Variants in RRP15 observed in about 807,000 individuals in gnomAD.
RRP15 encodes the protein ribosomal RNA processing 15 homolog.
Under a neutral mutation model 27.1 loss-of-function variants are expected in RRP15, and 18 were observed. That is an observed-to-expected ratio of 0.66 (90% CI 0.46 to 0.98). The LOEUF (loss-of-function observed/expected upper bound fraction) is 0.98. RRP15 is among the 50% of genes least tolerant of loss of function. The pLI is 0.00. For synonymous variants in RRP15, 107 were observed against 109.4 expected, an observed-to-expected ratio of 0.98 and a Z score of 0.14; for missense variants, 359 against 337.8, an observed-to-expected ratio of 1.06 and a Z score of -0.49.
rs564645062 is a variant in RRP15, at chr1:218,331,376, A to G, written c.*285A>G. The G allele has an allele frequency of 1.4e-4, 31 of 221,036 alleles. 1 individual carries two copies. In the South Asian group the frequency reaches 2.0e-3, roughly 14 times the overall value. 13.7% of individuals were successfully genotyped at this position (221,036 alleles called of 1,614,324 possible). A position where few individuals can be genotyped will look rare whatever the true frequency, so the allele number is the denominator to read the frequency against. On this transcript the variant is annotated 3_prime_UTR_variant, in exon 5 of 5. Transcript: ENST00000366932. ...TGCCAGGATCATATTGGTCATGTCT[A>G]TTGGTGTATTATTTCAGTATCACCA...
chr1:218,312,472 G>A lies in RRP15; in HGVS notation c.705+4840G>A, dbSNP rs188486962. Among the ~76,000 whole-genome samples the A allele has an allele frequency of 1.4e-4, 22 of 152,020 alleles. 1 individual carries two copies. The East Asian group carries it at 2.9e-3, about 20-fold the overall frequency. On this transcript the variant is annotated intron_variant, in intron 4 of 4. Transcript: ENST00000366932. ...GCTATGAAAAAAGATACTGTTAGTG[G>A]ATGTGAGAAGACATAAAAAAAGAAT... is the stretch of plus-strand genomic sequence containing the variant.
chr1:218,329,930 T>C (rs556846277), intron 4 of RRP15, among the ~76,000 whole-genome samples: 97 of 152,190 alleles, frequency 6.4e-4, no homozygotes, highest in African/African-American at 2.3e-3. Context: ...GCAAATATCT[T>C]TAATATATAT....
At chr1:218,321,462 T>C (rs1656186697) in intron 4 of RRP15, among the ~76,000 whole-genome samples, 1 of 152,246 alleles carries the variant, frequency 6.6e-6, no homozygotes. Context: ...TAGTTATGTT[T>C]AACAGCTAAC....
intron 4 of RRP15, among the ~76,000 whole-genome samples, chr1:218,312,443 T>C (rs984452504): frequency 1.3e-5 from 2 of 152,072 alleles, no homozygotes; most frequent in Non-Finnish European, 2.9e-5. Context: ...TTTTGTGAGA[T>C]AGGGCTATGA....
chr1:218,333,593 TTCCAGCTATCCTCCCACC>T lies in RRP15; in HGVS notation c.*2505_*2522del, dbSNP rs1656406125. On this transcript the variant is annotated 3_prime_UTR_variant, in exon 5 of 5. Transcript: ENST00000366932. The stretch of plus-strand genomic sequence containing the variant: ...CTCACTGCAACCTCCACCTCCCAGG[TTCCAGCTATCCTCCCACC>T]TCAGCCTCCCAAGTAGCTAGGACTA... 6.6e-6 allele frequency: 1 copy of T among 152,456 alleles called. No homozygotes were observed. The allele number at this position is 152,456 out of a possible 1,614,324, so 9.4% of individuals were successfully genotyped here.
intron 3 of RRP15, among the ~76,000 whole-genome samples, chr1:218,306,586 G>A (rs901525806): frequency 1.3e-5 from 2 of 152,120 alleles, no homozygotes; most frequent in African/African-American, 4.8e-5. Context: ...CCTCTTATTA[G>A]AGCAAGAAAA....
At chr1:218,304,913 C>A in intron 2 of RRP15, 115 bp from the exon 3 acceptor site, 1 of 965,486 alleles carries the variant, frequency 1.0e-6, no homozygotes, top group Non-Finnish European at 1.6e-6. Context: ...AAGCCCCTGA[C>A]AAACTAAGCC....
Position 218,331,311 on chromosome 1 carries a change from A to G in RRP15, c.*220A>G, listed in dbSNP as rs1656365381. ...AAGCATTGTTCCTCAGAACATTTGT[A>G]AAAGGATATATTTCTGCTTGACCAG... On this transcript the variant is annotated 3_prime_UTR_variant, in exon 5 of 5. Transcript: ENST00000366932. The G allele has an allele frequency of 2.7e-6, 1 of 371,676 alleles. No individual in the cohort carries two copies. Among genetic ancestry groups the G allele is most frequent in the Non-Finnish European group, 4.8e-6 (1 of 209,220 alleles). The allele number at this position is 371,676 out of a possible 1,614,324, so 23.0% of individuals were successfully genotyped here.
intron 4 of RRP15, among the ~76,000 whole-genome samples, chr1:218,313,862 C>T (rs552864901): frequency 1.3e-3 from 191 of 152,216 alleles, no homozygotes; most frequent in Non-Finnish European, 2.2e-3. Flanking sequence ...AAGGAATTCC[C>T]TAATCCAGAA....
chr1:218,302,454 C>G lies in RRP15; in HGVS notation c.300C>G (p.Leu100=). ...GGGCAGATGCTATGGCTAAAGTCCT[C>G]AACAAGAAAACTCCTGAAAGTAAAC... ...MGWADAMAKV[L]NKKTPESKPT... Residue 100 remains leucine, a synonymous_variant, in exon 2 of 5, where the codon CTC becomes CTG. Coordinates refer to ENST00000366932, the MANE Select transcript of RRP15 (RefSeq NM_016052.4). 1.2e-6 allele frequency: 2 copies of G among 1,613,900 alleles called. No homozygotes were observed. Among genetic ancestry groups the G allele is most frequent in the Non-Finnish European group, 1.7e-6 (2 of 1,179,972 alleles).
At chr1:218,318,742 CTT>C (rs398053827) in intron 4 of RRP15, among the ~76,000 whole-genome samples, 4 of 145,458 alleles carry the variant, frequency 2.7e-5, no homozygotes, top group African/African-American at 7.5e-5. Context: ...ATAATAAATA[CTT>C]TTTTTTTTTT....
At chr1:218,302,185 C>T in intron 1 of RRP15, 109 bp from the exon 2 acceptor site, 1 of 760,844 alleles carries the variant, frequency 1.3e-6, no homozygotes, top group Admixed American at 2.3e-5. Context: ...AAAAGTACCC[C>T]CCTTGCAAAA....
At position 218,305,197 on chromosome 1, in the gene RRP15, A is replaced by G. The variant is rs768004491; in HGVS notation, c.503+72A>G. ...TCATAGTGGTTCTATTTTTGACCCA[A>G]TTTGATTCTTAAGCTCAGCCTTCTC... On this transcript the variant is annotated intron_variant, in intron 3 of 4. Transcript: ENST00000366932. The G allele has an allele frequency of 4.9e-5, 58 of 1,189,110 alleles. 1 individual carries two copies. The highest frequency in any genetic ancestry group is 6.5e-5 in the Non-Finnish European group (53 of 812,828). The allele number at this position is 1,189,110 out of a possible 1,614,324, so 73.7% of individuals were successfully genotyped here. A position where few individuals can be genotyped will look rare whatever the true frequency, so the allele number is the denominator to read the frequency against.
chr1:218,312,282 CTTTTT>C (rs538218806), intron 4 of RRP15, among the ~76,000 whole-genome samples: 1 of 137,470 alleles, frequency 7.3e-6, no homozygotes, highest in South Asian at 2.3e-4. Flanking sequence ...TTTCTTTTTT[CTTTTT>C]TTTTTTTTTA....
At position 218,325,024 on chromosome 1, in the gene RRP15, T is replaced by G. The variant is rs371960072; in HGVS notation, c.706-5924T>G. Reference sequence around the variant, plus strand: ...CACTCTTGTCATCTGGGACTTAAATTTTCTTTGATCCTTGGAATTTCTTCT... The same window carrying G: ...CACTCTTGTCATCTGGGACTTAAATGTTCTTTGATCCTTGGAATTTCTTCT... On this transcript the variant is annotated intron_variant, in intron 4 of 4. Transcript: ENST00000366932. 2.6e-5 allele frequency among the ~76,000 whole-genome samples: 4 copies of G among 152,312 alleles called. No homozygotes were observed. The East Asian group carries it at 7.7e-4, about 29-fold the overall frequency.
chr1:218,331,098 A>T lies in RRP15; in HGVS notation c.*7A>T. The stretch of plus-strand genomic sequence containing the variant: ...AAGTGACTCTGATACATAAAGCATC[A>T]TAGGAAATACAATTGCAGTCGTTTT... On this transcript the variant is annotated 3_prime_UTR_variant, in exon 5 of 5. Transcript: ENST00000366932. The T allele has an allele frequency of 6.2e-7, 1 of 1,606,688 alleles. No individual in the cohort carries two copies. Among genetic ancestry groups the T allele is most frequent in the Non-Finnish European group, 8.5e-7 (1 of 1,176,504 alleles).
At chr1:218,298,770 G>A (rs1655761960) in intron 1 of RRP15, among the ~76,000 whole-genome samples, 1 of 152,200 alleles carries the variant, frequency 6.6e-6, no homozygotes, top group South Asian at 2.1e-4. Context: ...AGTTGTGCTA[G>A]CCACATTTGA....
chr1:218,324,024 G>A (rs1055858470), intron 4 of RRP15, among the ~76,000 whole-genome samples: 1 of 152,188 alleles, frequency 6.6e-6, no homozygotes, highest in Non-Finnish European at 1.5e-5. Flanking sequence ...CTGCGAGGGC[G>A]GGGCTTCTGC....
chr1:218,320,410 A>G (rs1163231170), intron 4 of RRP15, among the ~76,000 whole-genome samples: 2 of 152,166 alleles, frequency 1.3e-5, no homozygotes, highest in Admixed American at 6.5e-5. Context: ...TTATGGCTGC[A>G]TAGTATTCCA....
Sources: allele counts gnomAD v4.1 joint callset (sites outside exome capture counted in the v4.1 genomes callset), GRCh38; gene constraint gnomAD v4.1.1; transcripts MANE v1.5; gene names NCBI Gene and HGNC (gene_info 2026-07-23, HGNC 2026-07-21).